The following EEF1AKMT2 variants were observed in gnomAD, a reference collection of about 807,000 sequenced individuals.
The protein encoded by EEF1AKMT2 is eukaryotic translation elongation factor 1 alpha lysine methyltransferase 2.
Under a neutral mutation model 35.8 loss-of-function variants are expected in EEF1AKMT2, and 32 were observed. The ratio of observed to expected loss-of-function variants is 0.89; its 90% CI spans 0.67 to 1.20. The LOEUF is 1.20. Among genes scored for constraint, EEF1AKMT2 ranks in the 50% most tolerant of loss-of-function variants. The probability of loss-of-function intolerance (pLI) is 0.00; values close to 1 mark genes in which losing one functional copy is unlikely to be tolerated. For synonymous variants in EEF1AKMT2, 121 were observed against 133.7 expected (o/e 0.91, Z 0.65); for missense variants, 330 against 347.5 (o/e 0.95, Z 0.40).
At chr10:124,784,948 G>A (rs759547694) in intron 3 of EEF1AKMT2, among the ~76,000 whole-genome samples, 35 of 129,936 alleles carry the variant, frequency 2.7e-4, no homozygotes, top group African/African-American at 1.3e-3. Context: ...AAAAAAAAAA[G>A]GTCTAAATGT....
intron 3 of EEF1AKMT2, among the ~76,000 whole-genome samples, chr10:124,775,361 A>G (rs991046492): frequency 2.6e-5 from 4 of 152,198 alleles, no homozygotes; most frequent in Non-Finnish European, 5.9e-5. Context: ...AGTATCCCCA[A>G]GAAGTTTCTT....
chr10:124,791,697 T>C, intron 1 of EEF1AKMT2, 27 bp downstream of exon 1: 1 of 1,558,724 alleles, frequency 6.4e-7, no homozygotes, highest in Non-Finnish European at 8.6e-7. Context: ...GCACGGCTCA[T>C]CCTCCCCTGC....
chr10:124,778,264 G>A (rs1950506495), intron 3 of EEF1AKMT2, among the ~76,000 whole-genome samples: 1 of 152,098 alleles, frequency 6.6e-6, no homozygotes, highest in South Asian at 2.1e-4. Context: ...TGGAATCTGA[G>A]AGGAAAGGAA....
Position 124,790,316 on chromosome 10 carries a change from C to G in EEF1AKMT2, c.133G>C (p.Glu45Gln). The G allele has an allele frequency of 1.2e-6, 2 of 1,612,208 alleles. No individual in the cohort carries two copies. Among genetic ancestry groups the G allele is most frequent in the South Asian group, 1.1e-5 (1 of 91,046 alleles). Residue 45 changes from glutamate to glutamine, a missense_variant, in exon 2 of 7, where the codon GAA (glutamate) becomes CAA (glutamine). Physicochemically the swap from Glu to Gln is conservative, Grantham distance 29. Coordinates refer to ENST00000368836, the MANE Select transcript of EEF1AKMT2 (RefSeq NM_212554.4). The stretch of plus-strand genomic sequence containing the variant: ...CCATATTCTCGGAAAGTTTGCAGTT[C>G]TCTCTCATAGACAGCATCCCAACTA... ...REHWDAVYER[E>Q]LQTFREYGDT...
At chr10:124,760,911 C>T (rs1417121418) in intron 6 of EEF1AKMT2, among the ~76,000 whole-genome samples, 3 of 152,222 alleles carry the variant, frequency 2.0e-5, no homozygotes, top group South Asian at 2.1e-4. Context: ...ACTCCATCAC[C>T]GAGGCTGGAG....
chr10:124,771,353 C>T (rs868169627), intron 4 of EEF1AKMT2, among the ~76,000 whole-genome samples: 1 of 151,794 alleles, frequency 6.6e-6, no homozygotes, highest in South Asian at 2.1e-4. Flanking sequence ...CCCACCTTGG[C>T]CTCCCAAGAT....
In EEF1AKMT2 at chr10:124,790,351, T is replaced by A; in HGVS notation, c.111-13A>T. The A allele has an allele frequency of 6.3e-7, 1 of 1,592,796 alleles. No homozygotes were observed. Among genetic ancestry groups the A allele is most frequent in the Non-Finnish European group, 8.6e-7 (1 of 1,160,776 alleles). On this transcript the variant is annotated splice_polypyrimidine_tract_variant and intron_variant, in intron 1 of 6. Coordinates refer to ENST00000368836, the MANE Select transcript of EEF1AKMT2 (RefSeq NM_212554.4). ...GACAGCATCCCAACTATGTAAACAA[T>A]GAAATGCAAAGCAAGACTCTTGAAT...
At chr10:124,778,472 C>T (rs1442821314) in intron 3 of EEF1AKMT2, among the ~76,000 whole-genome samples, 2 of 151,968 alleles carry the variant, frequency 1.3e-5, no homozygotes, top group African/African-American at 4.8e-5. Context: ...GCCTGTAATA[C>T]CAGCACTTTG....
rs139443541 is a variant in EEF1AKMT2 at position 124,781,422 on chromosome 10, C to T, written c.292-6640G>A. On this transcript the variant is annotated intron_variant, in intron 3 of 6. Transcript: ENST00000368836. Reference sequence around the variant, plus strand: ...GGTGAAACCCCATCTCTACTAAAAACACAAAAAGTAGCCGGGTGTGGTGGT... The same window carrying T: ...GGTGAAACCCCATCTCTACTAAAAATACAAAAAGTAGCCGGGTGTGGTGGT... Among the ~76,000 whole-genome samples the T allele has an allele frequency of 5.6e-3, 840 of 151,170 alleles. 8 individuals carry two copies. The highest frequency in any genetic ancestry group is 0.019 in the African/African-American group (803 of 41,290).
rs538265840 is a variant in EEF1AKMT2 at position 124,786,739 on chromosome 10, A to C, written c.291+2304T>G. Among the ~76,000 whole-genome samples, 48 of 146,378 alleles carry C rather than the reference A, an allele frequency of 3.3e-4. No homozygotes were observed. In the East Asian group the frequency reaches 9.7e-3, roughly 30 times the overall value. ...GCAGGAAAATCGCTTGAACCCAGGA[A>C]GCAGAGGCTGCAGTGAGCTGAGATC... On this transcript the variant is annotated intron_variant, in intron 3 of 6. Coordinates refer to ENST00000368836, the MANE Select transcript of EEF1AKMT2 (RefSeq NM_212554.4).
chr10:124,774,896 A>T, intron 3 of EEF1AKMT2, 114 bp from the exon 4 acceptor site: 1 of 437,108 alleles, frequency 2.3e-6, no homozygotes, highest in East Asian at 4.4e-5. Flanking sequence ...AGAGAAAATG[A>T]CATATAATCC....
chr10:124,769,248 A>ATATATATATATATATATGTGTG (rs60863408), intron 4 of EEF1AKMT2, among the ~76,000 whole-genome samples: 2 of 63,810 alleles, frequency 3.1e-5, no homozygotes, highest in African/African-American at 1.1e-4. Flanking sequence ...ATATATATAT[A>ATATATATATATATATATGTGTG]TGTGTGTATA....
At chr10:124,778,793 G>T (rs1287677463) in intron 3 of EEF1AKMT2, among the ~76,000 whole-genome samples, 1 of 150,408 alleles carries the variant, frequency 6.6e-6, no homozygotes, top group Non-Finnish European at 1.5e-5. Context: ...GATACAAGGC[G>T]ACAGATTACC....
intron 3 of EEF1AKMT2, among the ~76,000 whole-genome samples, chr10:124,782,659 A>G (rs1950552533): frequency 6.6e-6 from 1 of 151,724 alleles, no homozygotes; most frequent in Non-Finnish European, 1.5e-5. Context: ...TAAAAATACA[A>G]AAAGTAGCCG....
chr10:124,786,416 A>G (rs1480666791), intron 3 of EEF1AKMT2, among the ~76,000 whole-genome samples: 1 of 151,836 alleles, frequency 6.6e-6, no homozygotes, highest in Admixed American at 6.6e-5. Flanking sequence ...TGAGGCAGGA[A>G]AATGGCGTGA....
At chr10:124,782,357 A>T (rs963969277) in intron 3 of EEF1AKMT2, among the ~76,000 whole-genome samples, 1 of 151,710 alleles carries the variant, frequency 6.6e-6, no homozygotes, top group Non-Finnish European at 1.5e-5. Context: ...CCGAGGCGGG[A>T]GGATCACGAG....
At chr10:124,771,869 A>G (rs2134128455) in intron 4 of EEF1AKMT2, among the ~76,000 whole-genome samples, 1 of 151,326 alleles carries the variant, frequency 6.6e-6, no homozygotes, top group East Asian at 1.9e-4. Flanking sequence ...ACTCCGTCTC[A>G]AAAAAAAACA....
At position 124,772,967 on chromosome 10, in the gene EEF1AKMT2, G is replaced by A. The variant is rs1376211068; in HGVS notation, c.399+1708C>T. Among the ~76,000 whole-genome samples, 3 of 152,280 alleles carry A rather than the reference G, an allele frequency of 2.0e-5. No individual in the cohort carries two copies. The East Asian group carries it at 5.8e-4, about 29-fold the overall frequency. ...TTTCTCATCATTCATGTGTTCACTGGAATACCACTTTTAATTTCCTTAAAG... is the reference window on the plus strand; with the variant it reads ...TTTCTCATCATTCATGTGTTCACTGAAATACCACTTTTAATTTCCTTAAAG... On this transcript the variant is annotated intron_variant, in intron 4 of 6. Transcript: ENST00000368836.
chr10:124,765,701 A>C (rs1442546247), intron 4 of EEF1AKMT2, 93 bp from the exon 5 acceptor site: 7 of 892,058 alleles, frequency 7.8e-6, no homozygotes, highest in Non-Finnish European at 1.2e-5. Flanking sequence ...TAATAAAAGG[A>C]CCCATTAATT....
Sources: allele counts gnomAD v4.1 joint callset (sites outside exome capture counted in the v4.1 genomes callset), GRCh38; gene constraint gnomAD v4.1.1; transcripts MANE v1.5; gene names NCBI Gene and HGNC (gene_info 2026-07-23, HGNC 2026-07-21).